The following SOX5 variants were observed in gnomAD, a reference collection of about 807,000 sequenced individuals.
SOX5 encodes the protein transcription factor SOX-5.
A neutral mutation model predicts 92.0 loss-of-function variants in SOX5; 9 were observed. The observed-to-expected ratio is 0.10, with a 90% CI of 0.06 to 0.17. SOX5 has a LOEUF of 0.17. Ranked by LOEUF, SOX5 falls within the 10% of genes least tolerant of loss-of-function variation. SOX5 has a pLI of 1.00. For missense variants in SOX5, 642 were observed against 944.5 expected, an observed-to-expected ratio of 0.68 and a Z score of 4.20; for synonymous variants, 344 against 336.3, an observed-to-expected ratio of 1.02 and a Z score of -0.25.
chr12:23,871,380 T>C (rs1487229313), intron 2 of SOX5, among the ~76,000 whole-genome samples: 1 of 152,282 alleles, frequency 6.6e-6, no homozygotes, highest in Non-Finnish European at 1.5e-5. Context: ...TCAATATCAA[T>C]TCAAGCTACT....
intron 4 of SOX5, among the ~76,000 whole-genome samples, chr12:23,997,604 T>C (rs1348360614): frequency 2.6e-5 from 4 of 152,182 alleles, no homozygotes; most frequent in Non-Finnish European, 5.9e-5. Flanking sequence ...TGTCTGAATG[T>C]GATGCCTTAT....
intron 4 of SOX5, among the ~76,000 whole-genome samples, chr12:24,111,550 G>A (rs193125801): frequency 3.3e-5 from 5 of 152,054 alleles, no homozygotes; most frequent in Non-Finnish European, 5.9e-5. Context: ...GCTCAAAATC[G>A]ATGTTTCTCA....
chr12:24,274,063 C>T (rs569630889), intron 3 of SOX5, among the ~76,000 whole-genome samples: 66 of 152,222 alleles, frequency 4.3e-4, no homozygotes, highest in African/African-American at 1.5e-3. Flanking sequence ...CAATGTTTAT[C>T]ATTGTCTCTT....
chr12:23,844,986 A>G (rs1362836339), intron 3 of SOX5, among the ~76,000 whole-genome samples: 1 of 152,154 alleles, frequency 6.6e-6, no homozygotes, highest in Non-Finnish European at 1.5e-5. Context: ...TTTAACCAAA[A>G]TCCAGGTCCC....
intron 3 of SOX5, among the ~76,000 whole-genome samples, chr12:23,829,978 T>G (rs1190214734): frequency 3.9e-5 from 6 of 152,106 alleles, no homozygotes; most frequent in Non-Finnish European, 8.8e-5. Context: ...ATAAAAAGAT[T>G]ACCAAGCAGA....
At chr12:24,353,048 G>T (rs754464948) in intron 2 of SOX5, among the ~76,000 whole-genome samples, 2 of 152,206 alleles carry the variant, frequency 1.3e-5, no homozygotes, top group Non-Finnish European at 2.9e-5. Flanking sequence ...TGAGGTGCAT[G>T]ACAGGGGCTC....
intron 2 of SOX5, chr12:24,357,244 G>A (rs1430745799): frequency 6.6e-6 from 1 of 152,168 alleles, no homozygotes; most frequent in Non-Finnish European, 1.5e-5. Flanking sequence ...ATTTCGAGGT[G>A]AAATATTTAA....
At chr12:23,870,745 G>C (rs542937164) in intron 2 of SOX5, among the ~76,000 whole-genome samples, 3 of 151,232 alleles carry the variant, frequency 2.0e-5, no homozygotes, top group African/African-American at 7.2e-5. Context: ...TTCTAAATTG[G>C]ATTTGTGCCA....
chr12:23,876,857 A>C (rs1349111230), intron 2 of SOX5, among the ~76,000 whole-genome samples: 2 of 152,204 alleles, frequency 1.3e-5, no homozygotes, highest in East Asian at 3.8e-4. Flanking sequence ...AAATGGATGA[A>C]GCTGGAAACC....
intron 4 of SOX5, among the ~76,000 whole-genome samples, chr12:23,986,558 T>G (rs7308480): frequency 1.3e-5 from 2 of 152,302 alleles, no homozygotes; most frequent in South Asian, 4.1e-4. Flanking sequence ...CTTTCATCAG[T>G]TGGGTAATTT....
At chr12:24,286,161 GC>G (rs879552208) in intron 2 of SOX5, among the ~76,000 whole-genome samples, 4 of 151,980 alleles carry the variant, frequency 2.6e-5, no homozygotes, top group Admixed American at 2.6e-4. Flanking sequence ...CACAATGCAA[GC>G]AAAAAATGAG....
chr12:24,460,005 G>T (rs1265314663), intron 1 of SOX5, among the ~76,000 whole-genome samples: 3 of 152,144 alleles, frequency 2.0e-5, no homozygotes, highest in African/African-American at 7.2e-5. Context: ...TTTTATTATA[G>T]TTCACGAAGT....
intron 11 of SOX5, among the ~76,000 whole-genome samples, chr12:23,549,359 G>A (rs901388500): frequency 1.3e-5 from 2 of 151,786 alleles, no homozygotes; most frequent in African/African-American, 4.8e-5. Flanking sequence ...TCATGTTGGT[G>A]ATATAGATCT....
chr12:24,458,541 T>TG (rs773849205), intron 1 of SOX5, among the ~76,000 whole-genome samples: 15 of 152,088 alleles, frequency 9.9e-5, no homozygotes, highest in Non-Finnish European at 1.8e-4. Context: ...GACAAATCTC[T>TG]GGGGGGTAGG....
intron 1 of SOX5, among the ~76,000 whole-genome samples, chr12:24,492,352 T>A (rs946013988): frequency 6.6e-6 from 1 of 152,178 alleles, no homozygotes; most frequent in Non-Finnish European, 1.5e-5. Context: ...CCTTCTTTGG[T>A]GTGAAGCAAA....
chr12:24,423,792 T>C (rs952776107), intron 1 of SOX5, among the ~76,000 whole-genome samples: 2 of 152,184 alleles, frequency 1.3e-5, no homozygotes. Flanking sequence ...TGAGTATGAC[T>C]GAGGACAAAT....
intron 4 of SOX5, among the ~76,000 whole-genome samples, chr12:23,989,596 G>A (rs546391810): frequency 1.3e-5 from 2 of 152,228 alleles, no homozygotes; most frequent in African/African-American, 4.8e-5. Context: ...ATTAGGAGGT[G>A]TGACCTTTGA....
At chr12:24,390,750 C>A (rs1352023466) in intron 1 of SOX5, among the ~76,000 whole-genome samples, 1 of 152,062 alleles carries the variant, frequency 6.6e-6, no homozygotes, top group Non-Finnish European at 1.5e-5. Flanking sequence ...GATAGGATTT[C>A]ATTCTTTTTG....
upstream of SOX5, among the ~76,000 whole-genome samples, chr12:23,950,437 G>A (rs1357623815): frequency 1.3e-5 from 2 of 152,172 alleles, no homozygotes; most frequent in Admixed American, 6.5e-5. Context: ...AAAGTGGTGC[G>A]AACGTCCTGG....
Sources: gnomAD v4.1 joint callset for allele counts (sites outside exome capture counted in the v4.1 genomes callset) on GRCh38, gnomAD v4.1.1 for gene constraint, MANE v1.5 for transcripts, NCBI Gene and HGNC (gene_info 2026-07-23, HGNC 2026-07-21) for gene names.